Variants in GSDMB observed in about 807,000 individuals in gnomAD.
GSDMB encodes the protein gasdermin B.
GSDMB carries 32 observed loss-of-function variants against 42.9 expected under a neutral mutation model. The ratio of observed to expected loss-of-function variants is 0.75; its 90% CI spans 0.56 to 1.00. GSDMB has a LOEUF of 1.00. Among genes scored for constraint, GSDMB ranks in the 50% least tolerant of loss-of-function variants. GSDMB has a pLI of 0.00. For synonymous variants in GSDMB, 175 were observed against 193.7 expected (o/e 0.90, Z 0.80); for missense variants, 468 against 498.5 (o/e 0.94, Z 0.58).
At chr17:39,910,225 G>C (rs1351382241) in intron 3 of GSDMB, among the ~76,000 whole-genome samples, 1 of 152,176 alleles carries the variant, frequency 6.6e-6, no homozygotes, top group African/African-American at 2.4e-5. Flanking sequence ...TCAGGAGGCT[G>C]AGACAGGAGA....
At chr17:39,917,701 G>A (rs1382956021) in intron 1 of GSDMB, 2 of 250,136 alleles carry the variant, frequency 8.0e-6, no homozygotes, top group Non-Finnish European at 1.6e-5. Context: ...AAACATATAA[G>A]AACTAATGAT....
chr17:39,909,383 G>C, intron 4 of GSDMB: 1 of 386,702 alleles, frequency 2.6e-6, no homozygotes, highest in Non-Finnish European at 4.7e-6. Flanking sequence ...CCTGTGTAAT[G>C]ATGAACCATG....
At chr17:39,911,991 C>G (rs1002715883) in intron 3 of GSDMB, among the ~76,000 whole-genome samples, 1 of 151,598 alleles carries the variant, frequency 6.6e-6, no homozygotes, top group Admixed American at 6.6e-5. Flanking sequence ...TTGTCCAAGT[C>G]AGAGGAATTA....
intron 2 of GSDMB, among the ~76,000 whole-genome samples, chr17:39,915,203 C>T (rs2063687824): frequency 6.6e-6 from 1 of 152,192 alleles, no homozygotes; most frequent in Admixed American, 6.5e-5. Context: ...AACTCCTGAC[C>T]TCAAGTGATC....
chr17:39,913,959 T>C (rs892501962), intron 2 of GSDMB, among the ~76,000 whole-genome samples: 4 of 152,216 alleles, frequency 2.6e-5, no homozygotes, highest in African/African-American at 9.7e-5. Context: ...TCACTATTTG[T>C]GTGTACATGA....
At chr17:39,911,362 C>T (rs188514401) in intron 3 of GSDMB, among the ~76,000 whole-genome samples, 8 of 150,052 alleles carry the variant, frequency 5.3e-5, no homozygotes, top group Non-Finnish European at 8.9e-5. Context: ...AAAAGGTACC[C>T]GCTCCACTCA....
Position 39,912,450 on chromosome 17 carries a change from C to A in GSDMB, c.283G>T (p.Glu95Ter). The change falls in exon 3 of 11, where the codon GAG (glutamate) becomes TAG (stop). Residue 95 changes from glutamate (E) to a stop codon, truncating the protein, a stop_gained. Coordinates refer to ENST00000418519, the MANE Select transcript of GSDMB (RefSeq NM_001165958.2). LOFTEE classifies it high-confidence loss of function. ...TCTTTGGGTAATCTCACTATCAACT[C>A]TCCCGTTGAGTCTACATTATCCAGA... ...QILDNVDSTG[E>*]LIVRLPKEIT... is the part of the protein sequence containing the mutation. 1 of 1,611,674 alleles carries A rather than the reference C, an allele frequency of 6.2e-7. No homozygotes were observed. Among genetic ancestry groups the A allele is most frequent in the Admixed American group, 1.7e-5 (1 of 60,022 alleles).
chr17:39,905,751 G>A, intron 9 of GSDMB, 96 bp downstream of exon 9: 4 of 1,360,876 alleles, frequency 2.9e-6, no homozygotes, highest in Non-Finnish European at 4.1e-6. Flanking sequence ...AAACTGTGAA[G>A]AGCAACATGC....
chr17:39,913,633 G>A (rs2063656490), intron 2 of GSDMB, among the ~76,000 whole-genome samples: 2 of 152,208 alleles, frequency 1.3e-5, no homozygotes, highest in African/African-American at 4.8e-5. Context: ...AAGCAGTTCT[G>A]TCGCTGTTGT....
At chr17:39,909,719 A>G (rs1174972025) in intron 4 of GSDMB, 37 bp downstream of exon 4, 1 of 1,587,308 alleles carries the variant, frequency 6.3e-7, no homozygotes, top group South Asian at 1.1e-5. Flanking sequence ...GTGGGCCAAC[A>G]CTGGCCTCCA....
At chr17:39,914,833 C>CTTTTTTTT (rs79835993) in intron 2 of GSDMB, among the ~76,000 whole-genome samples, 1 of 140,050 alleles carries the variant, frequency 7.1e-6, no homozygotes. Flanking sequence ...CCTATGCACA[C>CTTTTTTTT]TTTTTTTTTT....
intron 3 of GSDMB, 71 bp from the exon 4 acceptor site, chr17:39,909,995 C>T (rs1156848929): frequency 8.7e-7 from 1 of 1,144,662 alleles, no homozygotes; most frequent in African/African-American, 1.5e-5. Context: ...TTTTCCCTCT[C>T]TGTGAGCCAG....
rs1343767589 is a variant in GSDMB, at chr17:39,909,806, A to G, written c.526T>C (p.Tyr176His). Residue 176 changes from tyrosine (Y) to histidine (H), a missense_variant, in exon 4 of 11, where the codon TAT (tyrosine) becomes CAT (histidine). Physicochemically the swap from Tyr to His is moderately conservative, Grantham distance 83 (BLOSUM62 2). Transcript: ENST00000418519. ...TGAGAGATCTGGCTCCAAAATTTAT[A>G]TTGCCGGTCGCTTTTCAGGGTTTCC... ...KEETLKSDRQ[Y>H]KFWSQISQGH... 6.2e-7 allele frequency: 1 copy of G among 1,613,972 alleles called. No homozygotes were observed. The highest frequency in any genetic ancestry group is 2.2e-5 in the East Asian group (1 of 44,878).
At position 39,916,280 on chromosome 17, in the gene GSDMB, A is replaced by AT. The variant is rs3076832; in HGVS notation, c.235+801dup. 8.4e-3 allele frequency among the ~76,000 whole-genome samples: 1,001 copies of AT among 119,070 alleles called. 24 individuals are homozygous for AT. The highest frequency in any genetic ancestry group is 0.028 in the Middle Eastern group (6 of 216). 78.1% of individuals were successfully genotyped at this position (119,070 alleles called of 152,430 possible). A position where few individuals can be genotyped will look rare whatever the true frequency, so the allele number is the denominator to read the frequency against. ...GATTCACGTAATTTGTTCTCATTTG[A>AT]TTTTTTTTTTTTTTTTTTTTGAGAC... On this transcript the variant is annotated intron_variant, in intron 2 of 10. Coordinates refer to ENST00000418519, the MANE Select transcript of GSDMB (RefSeq NM_001165958.2).
intron 10 of GSDMB, 86 bp downstream of exon 10, chr17:39,905,340 G>T: frequency 3.4e-6 from 3 of 888,640 alleles, no homozygotes; most frequent in Non-Finnish European, 5.5e-6. Flanking sequence ...AATAAGAAGG[G>T]GCTGTACCCT....
At chr17:39,905,309 T>C in intron 10 of GSDMB, 117 bp downstream of exon 10, 1 of 712,646 alleles carries the variant, frequency 1.4e-6, no homozygotes, top group Non-Finnish European at 2.4e-6. Context: ...TGCATGGATG[T>C]GAGCCGGCAG....
rs2063515348 is a variant in GSDMB, at chr17:39,906,954, C to T, written c.727+7G>A. On this transcript the variant is annotated splice_region_variant and intron_variant, in intron 7 of 10. Coordinates refer to ENST00000418519, the MANE Select transcript of GSDMB (RefSeq NM_001165958.2). ...CCACCCTGAACACACTTGGCTATCA[C>T]CCTTACCTAAACAGGATGAAGCACC... The T allele has an allele frequency of 6.2e-7, 1 of 1,614,052 alleles. No individual in the cohort carries two copies. Among genetic ancestry groups the T allele is most frequent in the Non-Finnish European group, 8.5e-7 (1 of 1,179,974 alleles).
intron 7 of GSDMB, 180 bp downstream of exon 7, chr17:39,906,781 G>T: frequency 7.1e-7 from 1 of 1,411,108 alleles, no homozygotes. Flanking sequence ...TATAACCAAT[G>T]AGAACCACTG....
intron 7 of GSDMB, 94 bp from the exon 8 acceptor site, chr17:39,906,365 C>T (rs1344931719): frequency 9.1e-6 from 11 of 1,206,472 alleles, no homozygotes; most frequent in African/African-American, 1.5e-5. Flanking sequence ...CTGGAGACCA[C>T]CTCTTTGTAT....
Sources: gnomAD v4.1 joint callset for allele counts (sites outside exome capture counted in the v4.1 genomes callset) on GRCh38, gnomAD v4.1.1 for gene constraint, MANE v1.5 for transcripts, NCBI Gene and HGNC (gene_info 2026-07-23, HGNC 2026-07-21) for gene names.